UBE4B: variants seen among roughly 807,000 people sequenced by gnomAD.
UBE4B encodes ubiquitin conjugation factor E4 B.
UBE4B carries 27 observed loss-of-function variants against 148.1 expected under a neutral mutation model. That is an observed-to-expected ratio of 0.18 (90% CI 0.13 to 0.25). UBE4B has a LOEUF of 0.25. Among genes scored for constraint, UBE4B ranks in the 10% least tolerant of loss-of-function variants. UBE4B has a pLI of 1.00. For synonymous variants in UBE4B, 596 were observed against 619.3 expected (o/e 0.96, Z 0.56); for missense variants, 1,170 against 1,662.4 (o/e 0.70, Z 5.15).
At chr1:10,070,029 C>T (rs1418702421) in intron 1 of UBE4B, among the ~76,000 whole-genome samples, 2 of 152,004 alleles carry the variant, frequency 1.3e-5, no homozygotes, top group African/African-American at 4.8e-5. Flanking sequence ...AATCCCAGCA[C>T]TTTGGGGGGC....
At chr1:10,145,964 G>A (rs1019821138) in intron 18 of UBE4B, among the ~76,000 whole-genome samples, 9 of 152,116 alleles carry the variant, frequency 5.9e-5, no homozygotes, top group African/African-American at 7.2e-5. Context: ...GTGTTAGCTG[G>A]TCATGCATTC....
At position 10,161,263 on chromosome 1, in the gene UBE4B, G is replaced by C. The variant is rs377001392; in HGVS notation, c.3175G>C (p.Glu1059Gln). The change falls in exon 23 of 28, where the codon GAA (glutamate) becomes CAA (glutamine). Residue 1059 changes from glutamate to glutamine, a missense_variant. Glu to Gln is a conservative substitution (Grantham distance 29, BLOSUM62 2). Around this residue, in one of 6 missense-constraint regions of UBE4B, gnomAD observed 348 missense variants for 627.2 expected, o/e 0.55. Transcript: ENST00000343090. This position sits in a 1 kb window ranked among gnomAD's most constrained non-coding sequence, Gnocchi z 4.1. ...HEVQEEMKNK[E>Q]QWDQLPRDQQ... ...AGTGCAGGAAGAGATGAAGAACAAAGAACAGTGGGACCAGTTGCCCCGGGT... is the reference window on the plus strand; with the variant it reads ...AGTGCAGGAAGAGATGAAGAACAAACAACAGTGGGACCAGTTGCCCCGGGT... 1.2e-6 allele frequency: 2 copies of C among 1,614,038 alleles called. No individual in the cohort carries two copies. Among genetic ancestry groups the C allele is most frequent in the Non-Finnish European group, 1.7e-6 (2 of 1,180,002 alleles).
intron 1 of UBE4B, among the ~76,000 whole-genome samples, chr1:10,049,024 C>T (rs1643974185): frequency 6.6e-6 from 1 of 152,118 alleles, no homozygotes; most frequent in Non-Finnish European, 1.5e-5. Flanking sequence ...TCATTCCTAG[C>T]ATGAGGTTTT....
chr1:10,067,447 A>G (rs1644409341), intron 1 of UBE4B, among the ~76,000 whole-genome samples: 1 of 152,120 alleles, frequency 6.6e-6, no homozygotes, highest in African/African-American at 2.4e-5. Flanking sequence ...GTTTAACTTA[A>G]AGGAGATTAT....
intron 5 of UBE4B, among the ~76,000 whole-genome samples, chr1:10,103,660 C>G (rs1446907918): frequency 7.4e-6 from 1 of 135,888 alleles, no homozygotes; most frequent in Non-Finnish European, 1.5e-5. Context: ...GAGACAGAGT[C>G]TTGCTCTGGC....
chr1:10,144,215 G>T (rs116792953), intron 17 of UBE4B, among the ~76,000 whole-genome samples: 330 of 152,306 alleles, frequency 2.2e-3, no homozygotes, highest in African/African-American at 7.4e-3. Context: ...AGAGCATTGC[G>T]AGCAGAGGGA....
At chr1:10,045,728 TG>T (rs996519047) in intron 1 of UBE4B, among the ~76,000 whole-genome samples, 3 of 151,690 alleles carry the variant, frequency 2.0e-5, no homozygotes, top group Admixed American at 2.0e-4. Flanking sequence ...AGAGATGATG[TG>T]GGGGCCACCA....
chr1:10,130,808 G>A lies in UBE4B; in HGVS notation c.1906G>A (p.Gly636Arg), dbSNP rs866924603. 8 of 1,613,970 alleles carry A rather than the reference G, an allele frequency of 5.0e-6. No individual in the cohort carries two copies. Among genetic ancestry groups the A allele is most frequent in the East Asian group, 2.2e-5 (1 of 44,892 alleles). ...ATCATTGCAGCATTACTTAGAGCTCGGAAGGGTAAGTGTTCAGAAAACAAA... is the reference window on the plus strand; with the variant it reads ...ATCATTGCAGCATTACTTAGAGCTCAGAAGGGTAAGTGTTCAGAAAACAAA... Reference protein sequence around the residue: ...SQSLQHYLELGRQELFKILHS... With the variant: ...SQSLQHYLELRRQELFKILHS... Residue 636 changes from glycine (G) to arginine (R), a missense_variant, in exon 14 of 28, where the codon GGA becomes AGA. By Grantham distance (125) the Gly-to-Arg change is moderately radical. Around this residue, in one of 6 missense-constraint regions of UBE4B, gnomAD observed 388 missense variants for 536.0 expected, o/e 0.72. Transcript: ENST00000343090.
At chr1:10,141,122 G>A (rs1052150191) in intron 17 of UBE4B, among the ~76,000 whole-genome samples, 18 of 152,052 alleles carry the variant, frequency 1.2e-4, no homozygotes, top group African/African-American at 3.9e-4. Flanking sequence ...CTACATAACC[G>A]TCATGTTTCT....
intron 2 of UBE4B, among the ~76,000 whole-genome samples, chr1:10,087,214 A>G (rs997572269): frequency 4.6e-5 from 7 of 152,226 alleles, no homozygotes; most frequent in African/African-American, 1.7e-4. Context: ...ACCAGAGCAT[A>G]GGTAAAAATA....
chr1:10,121,557 T>C (rs1379595116), intron 9 of UBE4B, among the ~76,000 whole-genome samples: 2 of 152,032 alleles, frequency 1.3e-5, no homozygotes, highest in South Asian at 4.1e-4. Flanking sequence ...TCTTGCCCAG[T>C]TGATATTTTC....
chr1:10,106,268 C>T lies in UBE4B; in HGVS notation c.881C>T (p.Ala294Val). Residue 294 changes from alanine to valine, a missense_variant, in exon 7 of 28, where the codon GCC becomes GTC. By Grantham distance (64) the Ala-to-Val change is moderately conservative. Around this residue, in one of 6 missense-constraint regions of UBE4B, gnomAD observed 214 missense variants for 209.1 expected, o/e 1.02. Transcript: ENST00000343090. This position sits in a 1 kb window ranked among gnomAD's most constrained non-coding sequence, Gnocchi z 4.2. ...SSVPVMGPSLASPSRAASQLA... is the reference protein window; with the variant it reads ...SSVPVMGPSLVSPSRAASQLA... Reference sequence around the variant, plus strand: ...GTTCCCGTGATGGGCCCGTCTCTTGCCTCACCTTCCCGTGCAGCCAGCCAG... The same window carrying T: ...GTTCCCGTGATGGGCCCGTCTCTTGTCTCACCTTCCCGTGCAGCCAGCCAG... 6.2e-7 allele frequency: 1 copy of T among 1,614,104 alleles called. No individual in the cohort carries two copies. The highest frequency in any genetic ancestry group is 8.5e-7 in the Non-Finnish European group (1 of 1,179,980).
chr1:10,114,732 C>T (rs1426772697), intron 7 of UBE4B, among the ~76,000 whole-genome samples: 6 of 152,024 alleles, frequency 3.9e-5, no homozygotes, highest in African/African-American at 9.7e-5. Context: ...TACATGGTGG[C>T]GAGCGCCTGT....
At chr1:10,108,482 A>C (rs1454800893) in intron 7 of UBE4B, among the ~76,000 whole-genome samples, 1 of 152,186 alleles carries the variant, frequency 6.6e-6, no homozygotes, top group African/African-American at 2.4e-5. Flanking sequence ...GAGCAAGAGA[A>C]TATAATAGCA....
intron 1 of UBE4B, among the ~76,000 whole-genome samples, chr1:10,065,054 C>T (rs1020631097): frequency 2.0e-5 from 3 of 152,114 alleles, no homozygotes; most frequent in African/African-American, 2.4e-5. Context: ...TGAGCCACCG[C>T]GCCTGGCCCT....
intron 16 of UBE4B, among the ~76,000 whole-genome samples, chr1:10,136,256 T>A (rs1350793912): frequency 6.6e-6 from 1 of 151,884 alleles, no homozygotes; most frequent in Non-Finnish European, 1.5e-5. Flanking sequence ...GAGGAGAGCT[T>A]GAGCCCAGGA....
chr1:10,130,669 CA>C, intron 13 of UBE4B, 45 bp from the exon 14 acceptor site: 1 of 1,612,198 alleles, frequency 6.2e-7, no homozygotes, highest in Non-Finnish European at 8.5e-7. Flanking sequence ...GATTCTTTCC[CA>C]AATGTGCATT....
intron 2 of UBE4B, 121 bp downstream of exon 2, chr1:10,072,335 T>G: frequency 8.4e-7 from 1 of 1,197,194 alleles, no homozygotes; most frequent in Non-Finnish European, 1.2e-6. Context: ...TTTAAAATCC[T>G]CCAAGCAGTA....
At chr1:10,109,745 G>T (rs890871769) in intron 7 of UBE4B, among the ~76,000 whole-genome samples, 21 of 151,896 alleles carry the variant, frequency 1.4e-4, no homozygotes, top group Non-Finnish European at 5.9e-5. Context: ...CCACCTCCTG[G>T]GTTTAAGCAA....
Sources: gnomAD v4.1 joint callset for allele counts (sites outside exome capture counted in the v4.1 genomes callset) on GRCh38, gnomAD v4.1.1 for gene constraint, gnomAD v4.1.1 regional missense constraint, Gnocchi (gnomAD v3.1) non-coding constraint, MANE v1.5 for transcripts, NCBI Gene and HGNC (gene_info 2026-07-23, HGNC 2026-07-21) for gene names.